The following CELF2 variants were observed in gnomAD, a reference collection of about 807,000 sequenced individuals.
The protein encoded by CELF2 is CUG triplet repeat RNA-binding protein 2.
In CELF2, 8 loss-of-function variants were observed where a neutral mutation model predicts 62.6. The observed-to-expected ratio is 0.13, with a 90% CI of 0.07 to 0.23. The LOEUF is 0.23. Among genes scored for constraint, CELF2 ranks in the 10% least tolerant of loss-of-function variants. The probability of loss-of-function intolerance (pLI) is 1.00; values close to 1 mark genes in which losing one functional copy is unlikely to be tolerated. For missense variants in CELF2, 333 were observed against 671.0 expected (o/e 0.50, Z 5.56); for synonymous variants, 258 against 250.0 (o/e 1.03, Z -0.30).
chr10:10,950,280 T>C (rs1215410098), intron 2 of CELF2, among the ~76,000 whole-genome samples: 1 of 151,948 alleles, frequency 6.6e-6, no homozygotes, highest in Non-Finnish European at 1.5e-5. Flanking sequence ...AGTGTGTGTG[T>C]CTGAGGACGG....
At chr10:10,820,160 T>G (rs939208441) in intron 1 of CELF2, among the ~76,000 whole-genome samples, 1 of 152,238 alleles carries the variant, frequency 6.6e-6, no homozygotes, top group African/African-American at 2.4e-5. Flanking sequence ...CCTCCCGCCA[T>G]GATTCTGAAG....
the CELF2 span, among the ~76,000 whole-genome samples, chr10:10,783,943 G>A: frequency 8.5e-4 from 129 of 152,108 alleles, 1 homozygote; most frequent in Non-Finnish European, 1.4e-3. Flanking sequence ...AGCCAAGATC[G>A]TGCCACTGCA....
rs2095314189 is a variant in CELF2 at position 11,319,677 on chromosome 10, A to G, written c.1097-1512A>G. The G allele has an allele frequency of 7.0e-6, 3 of 428,362 alleles. No individual in the cohort carries two copies. The highest frequency in any genetic ancestry group is 1.5e-5 in the Non-Finnish European group (3 of 204,390). The allele number at this position is 428,362 out of a possible 1,614,324, so 26.5% of individuals were successfully genotyped here. A position where few individuals can be genotyped will look rare whatever the true frequency, so the allele number is the denominator to read the frequency against. On this transcript the variant is annotated intron_variant, in intron 10 of 12. Transcript: ENST00000633077. This position sits in a 1 kb window ranked among gnomAD's most constrained non-coding sequence, Gnocchi z 4.4. ...GAGGCTGCCACTCCATTCTCACGCC[A>G]TTCACACTCGTCTCGCCACCCCTGC...
At chr10:10,582,991 G>T in the CELF2 span, among the ~76,000 whole-genome samples, 1 of 152,122 alleles carries the variant, frequency 6.6e-6, no homozygotes, top group African/African-American at 2.4e-5. Context: ...TGGACAAGCT[G>T]GAATCTGTGC....
the CELF2 span, among the ~76,000 whole-genome samples, chr10:10,724,321 C>A: frequency 6.6e-6 from 1 of 152,120 alleles, no homozygotes; most frequent in African/African-American, 2.4e-5. Flanking sequence ...CTGTTAGAAT[C>A]TTTTTGCTTT....
the CELF2 span, among the ~76,000 whole-genome samples, chr10:10,501,702 G>T: frequency 6.6e-6 from 1 of 152,098 alleles, no homozygotes; most frequent in Non-Finnish European, 1.5e-5. Context: ...CATTTTGTAT[G>T]TAGGCAGTCA....
At chr10:10,907,522 C>T (rs902117681) in intron 1 of CELF2, among the ~76,000 whole-genome samples, 1 of 152,172 alleles carries the variant, frequency 6.6e-6, no homozygotes, top group African/African-American at 2.4e-5. Flanking sequence ...TCACCAATGG[C>T]TAAAGAAATC....
upstream of CELF2, among the ~76,000 whole-genome samples, chr10:11,004,615 C>T (rs572602918): frequency 2.6e-5 from 4 of 152,100 alleles, no homozygotes; most frequent in Non-Finnish European, 5.9e-5. This position sits in a 1 kb window ranked among gnomAD's most constrained non-coding sequence, Gnocchi z 5.0. Context: ...GCTCCTGTGT[C>T]GATGAGGACT....
the CELF2 span, among the ~76,000 whole-genome samples, chr10:10,731,156 A>T: frequency 6.6e-6 from 1 of 152,114 alleles, no homozygotes; most frequent in Admixed American, 6.6e-5. Context: ...TAAATATTGC[A>T]GTAGTCCACA....
intron 8 of CELF2, among the ~76,000 whole-genome samples, chr10:11,281,645 C>T (rs541711936): frequency 2.6e-5 from 4 of 152,222 alleles, no homozygotes; most frequent in East Asian, 1.9e-4. Flanking sequence ...CCCAGCTACT[C>T]AGGAGGCTGA....
chr10:10,911,052 A>C (rs1044975468), intron 1 of CELF2, among the ~76,000 whole-genome samples: 3 of 152,240 alleles, frequency 2.0e-5, no homozygotes, highest in Non-Finnish European at 4.4e-5. Context: ...GAACATCCTC[A>C]TAATGCCACT....
the CELF2 span, among the ~76,000 whole-genome samples, chr10:10,767,684 G>C: frequency 6.6e-6 from 1 of 152,078 alleles, no homozygotes; most frequent in African/African-American, 2.4e-5. Flanking sequence ...CAACCCAACC[G>C]TGGGAAGTAA....
At position 11,280,567 on chromosome 10, in the gene CELF2, A is replaced by G. The variant is rs1021021861; in HGVS notation, c.841+5447A>G. 1.3e-5 allele frequency among the ~76,000 whole-genome samples: 2 copies of G among 152,226 alleles called. No individual in the cohort carries two copies. The highest frequency in any genetic ancestry group is 2.4e-5 in the African/African-American group (1 of 41,458). The stretch of plus-strand genomic sequence containing the variant: ...GTGCATCGTTGCCAGGGAAGGGCCC[A>G]GGAACACTGGGGCCAAGACAGTCCC... On this transcript the variant is annotated intron_variant, in intron 8 of 12. Coordinates refer to ENST00000633077, the MANE Select transcript of CELF2 (RefSeq NM_001326342.2). This position sits in a 1 kb window ranked among gnomAD's most constrained non-coding sequence, Gnocchi z 7.6.
At chr10:11,282,976 C>G (rs7898591) in intron 8 of CELF2, among the ~76,000 whole-genome samples, 15,622 of 152,282 alleles carry the variant, frequency 0.1, 890 homozygotes, top group Middle Eastern at 0.19. Context: ...CTCTGTTGCC[C>G]AGGCTGGACT....
At chr10:10,906,717 CTTTTTTTTTT>C (rs397846553) in intron 1 of CELF2, among the ~76,000 whole-genome samples, 8 of 109,286 alleles carry the variant, frequency 7.3e-5, no homozygotes, top group Admixed American at 2.5e-4. Context: ...TTTTTCTTTT[CTTTTTTTTTT>C]TTTTTTTTTT....
At chr10:10,739,947 G>A in the CELF2 span, among the ~76,000 whole-genome samples, 1 of 151,890 alleles carries the variant, frequency 6.6e-6, no homozygotes, top group East Asian at 1.9e-4. Context: ...ATTTGTTTTT[G>A]TTATTTTTAT....
At chr10:10,586,357 C>T in the CELF2 span, among the ~76,000 whole-genome samples, 20 of 152,110 alleles carry the variant, frequency 1.3e-4, no homozygotes, top group African/African-American at 4.3e-4. Context: ...CAATTCAGGC[C>T]AAATGAAACT....
chr10:11,160,571 T>G (rs2065468884), intron 1 of CELF2, among the ~76,000 whole-genome samples: 2 of 150,700 alleles, frequency 1.3e-5, no homozygotes, highest in African/African-American at 4.9e-5. Flanking sequence ...GCCACCATAT[T>G]GGACTGTGCA....
At chr10:10,593,273 T>C in the CELF2 span, among the ~76,000 whole-genome samples, 19 of 152,330 alleles carry the variant, frequency 1.2e-4, no homozygotes, top group South Asian at 3.9e-3. Context: ...ATTTGGGGTA[T>C]CTTTTTGGTC....
Sources: allele counts gnomAD v4.1 joint callset (sites outside exome capture counted in the v4.1 genomes callset), GRCh38; gene constraint gnomAD v4.1.1; non-coding constraint Gnocchi (gnomAD v3.1); transcripts MANE v1.5; gene names NCBI Gene and HGNC (gene_info 2026-07-23, HGNC 2026-07-21).